Variants in ZNF18 observed in about 807,000 individuals in gnomAD.
ZNF18 encodes heart development-specific gene 1 protein.
A neutral mutation model predicts 58.1 loss-of-function variants in ZNF18; 42 were observed. The observed-to-expected ratio is 0.72, with a 90% CI of 0.56 to 0.93. ZNF18 has a LOEUF of 0.93. Among genes scored for constraint, ZNF18 ranks in the 40% least tolerant of loss-of-function variants. The probability of loss-of-function intolerance (pLI) is 0.00; values close to 1 mark genes in which losing one functional copy is unlikely to be tolerated. For synonymous variants in ZNF18, 231 were observed against 239.8 expected (o/e 0.96, Z 0.34); for missense variants, 540 against 644.2 (o/e 0.84, Z 1.75).
At chr17:12,000,507 G>A (rs1201462920), upstream of ZNF18, among the ~76,000 whole-genome samples, 1 of 152,084 alleles carries the variant, frequency 6.6e-6, no homozygotes, top group Admixed American at 6.5e-5. Context: ...TCTGCACTTC[G>A]AGACCAGCCT....
chr17:11,998,538 CTGTA>C (rs1361947966), upstream of ZNF18: 2 of 150,272 alleles, frequency 1.3e-5, no homozygotes, highest in African/African-American at 4.9e-5. Context: ...ATAACATGTC[CTGTA>C]CCTGTCATTA....
chr17:11,981,221 G>C (rs1432868175), intron 6 of ZNF18, among the ~76,000 whole-genome samples: 4 of 151,954 alleles, frequency 2.6e-5, no homozygotes, highest in African/African-American at 9.7e-5. Flanking sequence ...CTCCTGCACT[G>C]ACTTCCTGCA....
At chr17:11,998,822 C>CTTTTTTTT (rs71142260), upstream of ZNF18, among the ~76,000 whole-genome samples, 1,394 of 108,312 alleles carry the variant, frequency 0.013, no homozygotes, top group African/African-American at 0.022. Flanking sequence ...AGTTTCTAGT[C>CTTTTTTTT]TTTTTTTTTT....
chr17:12,021,084 G>T, the ZNF18 span: 35 of 839,454 alleles, frequency 4.2e-5, no homozygotes, highest in Non-Finnish European at 5.5e-5. Flanking sequence ...GGACGCCCCC[G>T]GACCCGGCTG....
chr17:12,020,742 C>G, the ZNF18 span: 3 of 390,146 alleles, frequency 7.7e-6, no homozygotes, highest in East Asian at 1.2e-4. Flanking sequence ...GCGTCGGGCT[C>G]TGGCGGGGGC....
chr17:12,014,773 G>C, the ZNF18 span, among the ~76,000 whole-genome samples: 2 of 152,150 alleles, frequency 1.3e-5, no homozygotes, highest in African/African-American at 4.8e-5. Context: ...TGAATTGGCC[G>C]GGCGCGGTGG....
chr17:12,001,935 A>G (rs1406077675), upstream of ZNF18, among the ~76,000 whole-genome samples: 1 of 152,172 alleles, frequency 6.6e-6, no homozygotes, highest in Non-Finnish European at 1.5e-5. Context: ...AATCTGAAAG[A>G]TATTTTAAAA....
intron 6 of ZNF18, among the ~76,000 whole-genome samples, chr17:11,981,789 C>CA (rs957697670): frequency 2.7e-4 from 40 of 150,768 alleles, no homozygotes; most frequent in South Asian, 2.1e-4. Context: ...AAATCCTGTC[C>CA]AAAAAAAAAT....
chr17:11,983,077 T>C (rs1967479446), intron 6 of ZNF18, among the ~76,000 whole-genome samples: 1 of 152,228 alleles, frequency 6.6e-6, no homozygotes, highest in Admixed American at 6.5e-5. Context: ...GTCTGATGTG[T>C]GGTCTTCCTT....
At chr17:11,996,713 T>C (rs1254089209) in intron 1 of ZNF18, 1 of 152,224 alleles carries the variant, frequency 6.6e-6, no homozygotes, top group African/African-American at 2.4e-5. Context: ...AGTGGTTACA[T>C]ACATGGTTAC....
chr17:12,002,427 A>G (rs1226487268), upstream of ZNF18: 2 of 152,174 alleles, frequency 1.3e-5, no homozygotes, highest in African/African-American at 4.8e-5. Flanking sequence ...AAAATAAAAA[A>G]GATATTAACT....
rs544404453 is a variant in ZNF18, at chr17:11,986,032, T to C, written c.667-1835A>G. 3.3e-4 allele frequency among the ~76,000 whole-genome samples: 50 copies of C among 152,326 alleles called. No individual in the cohort carries two copies. The South Asian group carries it at 8.9e-3, about 27-fold the overall frequency. On this transcript the variant is annotated intron_variant, in intron 4 of 6. Transcript: ENST00000580306. Reference sequence around the variant, plus strand: ...CATCTTGTAGCTCCCATAATTCCCATGTATTGTGAGAGGGACCTGGTGGGA... The same window carrying C: ...CATCTTGTAGCTCCCATAATTCCCACGTATTGTGAGAGGGACCTGGTGGGA...
intron 2 of ZNF18, among the ~76,000 whole-genome samples, chr17:11,991,997 A>T (rs1968157433): frequency 6.6e-6 from 1 of 152,184 alleles, no homozygotes; most frequent in African/African-American, 2.4e-5. Context: ...TGGAAGCTCC[A>T]CGCTCTTTCC....
At chr17:11,984,681 A>G (rs1299962090) in intron 4 of ZNF18, among the ~76,000 whole-genome samples, 1 of 151,778 alleles carries the variant, frequency 6.6e-6, no homozygotes, top group Non-Finnish European at 1.5e-5. Flanking sequence ...TGCCTGGCTA[A>G]TTTTTGTATT....
At chr17:12,008,381 C>A in the ZNF18 span, among the ~76,000 whole-genome samples, 1 of 152,084 alleles carries the variant, frequency 6.6e-6, no homozygotes, top group Non-Finnish European at 1.5e-5. Flanking sequence ...TATTATTATT[C>A]AGAGATGGGG....
the ZNF18 span, among the ~76,000 whole-genome samples, chr17:12,015,873 CT>C: frequency 6.6e-6 from 1 of 152,258 alleles, no homozygotes; most frequent in East Asian, 1.9e-4. Flanking sequence ...ACTGCAACCC[CT>C]GGCTCCCGGG....
chr17:12,017,566 T>G, the ZNF18 span, among the ~76,000 whole-genome samples: 1 of 152,160 alleles, frequency 6.6e-6, no homozygotes, highest in Non-Finnish European at 1.5e-5. Context: ...TTTCTTTATT[T>G]GGAATGTGAA....
At chr17:12,006,474 A>G in the ZNF18 span, among the ~76,000 whole-genome samples, 1 of 152,246 alleles carries the variant, frequency 6.6e-6, no homozygotes, top group Non-Finnish European at 1.5e-5. Context: ...TACCTAGAAC[A>G]GTGCCTTGGC....
At chr17:12,003,310 G>T in the ZNF18 span, among the ~76,000 whole-genome samples, 3 of 152,018 alleles carry the variant, frequency 2.0e-5, no homozygotes, top group South Asian at 4.1e-4. Flanking sequence ...ATGGTGGCAG[G>T]CGCCTGTAAT....
Sources: allele counts gnomAD v4.1 joint callset (sites outside exome capture counted in the v4.1 genomes callset), GRCh38; gene constraint gnomAD v4.1.1; transcripts MANE v1.5; gene names NCBI Gene and HGNC (gene_info 2026-07-23, HGNC 2026-07-21).